MPP4: variants seen among roughly 807,000 people sequenced by gnomAD.
The protein encoded by MPP4 is MAGUK p55 subfamily member 4.
A neutral mutation model predicts 98.3 loss-of-function variants in MPP4; 91 were observed. The ratio of observed to expected loss-of-function variants is 0.93; its 90% CI spans 0.78 to 1.10. MPP4 has a LOEUF of 1.10. MPP4 is among the 50% of genes least tolerant of loss of function. The pLI, the probability that MPP4 is intolerant of heterozygous loss-of-function variation, is 0.00. For missense variants in MPP4, 744 were observed against 792.9 expected (o/e 0.94, Z 0.74); for synonymous variants, 261 against 271.8 (o/e 0.96, Z 0.39).
In MPP4 at chr2:201,698,173, G is replaced by T. The variant is rs80311108; in HGVS notation, c.-101+414C>A. 664 of 771,446 alleles carry T rather than the reference G, an allele frequency of 8.6e-4. 25 individuals are homozygous for T. The East Asian group carries it at 0.058, about 67-fold the overall frequency. The allele number at this position is 771,446 out of a possible 1,614,324, so 47.8% of individuals were successfully genotyped here. The stretch of plus-strand genomic sequence containing the variant: ...AGTATTTCCATTAGCTTTTTAAAAC[G>T]TACTATTAAATGCCACAACCCCCTA... On this transcript the variant is annotated intron_variant, in intron 1 of 21. Coordinates refer to ENST00000409474, the MANE Select transcript of MPP4 (RefSeq NM_033066.3).
At chr2:201,653,077 C>T (rs1687759503) in intron 18 of MPP4, among the ~76,000 whole-genome samples, 1 of 152,148 alleles carries the variant, frequency 6.6e-6, no homozygotes, top group African/African-American at 2.4e-5. Context: ...TGGCCTTTTT[C>T]TCCTCAGGCT....
rs143801198 is a variant in MPP4 at position 201,693,350 on chromosome 2, C to T, written c.80-321G>A. ...CATGAAAGGAAAATGATTGCTTTCC[C>T]CTCCCCCATCTTACCAGCCTGTCGT... On this transcript the variant is annotated intron_variant, in intron 2 of 21. Transcript: ENST00000409474. Among the ~76,000 whole-genome samples the T allele has an allele frequency of 2.5e-3, 380 of 152,150 alleles. 1 individual carries two copies. Among genetic ancestry groups the T allele is most frequent in the African/African-American group, 8.6e-3 (358 of 41,498 alleles).
At position 201,675,277 on chromosome 2, in the gene MPP4, G is replaced by A. The variant is rs202096827; in HGVS notation, c.930-6C>T. 15 of 1,605,592 alleles carry A rather than the reference G, an allele frequency of 9.3e-6. No individual in the cohort carries two copies. In the Admixed American group the frequency reaches 1.0e-4, roughly 11 times the overall value. On this transcript the variant is annotated splice_region_variant and splice_polypyrimidine_tract_variant and intron_variant, in intron 10 of 21. Coordinates refer to ENST00000409474, the MANE Select transcript of MPP4 (RefSeq NM_033066.3). ...ACCAGAATTCCCGTTGCTTCCTATGGGGGGGAAAAAACCATGCGACAAAAA... is the reference window on the plus strand; with the variant it reads ...ACCAGAATTCCCGTTGCTTCCTATGAGGGGGAAAAAACCATGCGACAAAAA...
chr2:201,647,258 G>C (rs1483666369), intron 21 of MPP4, among the ~76,000 whole-genome samples: 1 of 152,024 alleles, frequency 6.6e-6, no homozygotes, highest in African/African-American at 2.4e-5. Context: ...TTAAGTAAAA[G>C]ATATTCTGTT....
chr2:201,679,059 G>C (rs1308558838), intron 10 of MPP4, among the ~76,000 whole-genome samples: 1 of 151,946 alleles, frequency 6.6e-6, no homozygotes, highest in African/African-American at 2.4e-5. Context: ...TTAACTTCCA[G>C]CATCCCTTTC....
intron 17 of MPP4, 108 bp downstream of exon 17, chr2:201,656,090 G>C (rs1687838651): frequency 1.6e-6 from 2 of 1,215,480 alleles, no homozygotes; most frequent in Non-Finnish European, 2.2e-6. Context: ...TATTTGTATG[G>C]GGGTCCATAA....
intron 10 of MPP4, 59 bp downstream of exon 10, chr2:201,680,778 GA>G: frequency 6.7e-7 from 1 of 1,490,092 alleles, no homozygotes; most frequent in Non-Finnish European, 9.1e-7. Flanking sequence ...AGAAACCCAA[GA>G]AAAACATTTT....
chr2:201,679,769 T>A (rs1688617490), intron 10 of MPP4, among the ~76,000 whole-genome samples: 1 of 152,216 alleles, frequency 6.6e-6, no homozygotes, highest in Admixed American at 6.5e-5. Context: ...CACTCTCCCC[T>A]CTGGCTATTT....
chr2:201,663,997 GTTA>G (rs1286837778), intron 14 of MPP4, 81 bp downstream of exon 14: 16 of 1,018,790 alleles, frequency 1.6e-5, no homozygotes, highest in South Asian at 3.8e-5. Context: ...TATTTAAACA[GTTA>G]TTATAAATAT....
rs1254897494 is a variant in MPP4, at chr2:201,681,007, A to G, written c.760T>C (p.Trp254Arg). 15 of 1,613,752 alleles carry G rather than the reference A, an allele frequency of 9.3e-6. No homozygotes were observed. Among genetic ancestry groups the G allele is most frequent in the Non-Finnish European group, 1.3e-5 (15 of 1,179,814 alleles). Residue 254 changes from tryptophan to arginine, a missense_variant, in exon 10 of 22, where the codon TGG (tryptophan) becomes CGG (arginine). Coordinates refer to ENST00000409474, the MANE Select transcript of MPP4 (RefSeq NM_033066.3). ...GGGATGTCGGGATCCTCCTGGGGCC[A>G]GTACTCAGTCATGGCACGGACGTAC... ...MVYVRAMTEYWPQEDPDIPCM... is the reference protein window; with the variant it reads ...MVYVRAMTEYRPQEDPDIPCM...
rs1027097579 is a variant in MPP4, at chr2:201,685,835, T to C, written c.492+84A>G. On this transcript the variant is annotated intron_variant, in intron 6 of 21. Transcript: ENST00000409474. ...TATATGTGATCGCAGGCAAGGCTAC[T>C]GCCCAAGTAACCACTAGATATAATT... 6.6e-6 allele frequency: 10 copies of C among 1,526,114 alleles called. No individual in the cohort carries two copies. In the Admixed American group the frequency reaches 1.7e-4, roughly 27 times the overall value. 94.5% of individuals were successfully genotyped at this position (1,526,114 alleles called of 1,614,324 possible).
chr2:201,649,936 G>T, intron 19 of MPP4, 136 bp downstream of exon 19: 2 of 878,304 alleles, frequency 2.3e-6, no homozygotes, highest in Non-Finnish European at 3.4e-6. Flanking sequence ...GCTGTATATC[G>T]ATGTACATTT....
At position 201,649,591 on chromosome 2, in the gene MPP4, C is replaced by A. The variant is rs1574596401; in HGVS notation, c.1569G>T (p.Met523Ile). The change falls in exon 20 of 22, where the codon ATG becomes ATT. Residue 523 changes from methionine to isoleucine, a missense_variant. Met to Ile is a conservative substitution (Grantham distance 10). Transcript: ENST00000409474. The part of the protein sequence containing the change: ...TVLVEGKICV[M>I]DLEPQDIQGV... ...ATGGACCCACCTGAGGCTCTAGGTC[C>A]ATGACACAGATCTTTCCTTCGACAA... 6.2e-6 allele frequency: 10 copies of A among 1,604,554 alleles called. No individual in the cohort carries two copies. In the East Asian group the frequency reaches 2.2e-4, roughly 36 times the overall value.
intron 1 of MPP4, among the ~76,000 whole-genome samples, chr2:201,696,805 G>T (rs183063300): frequency 6.6e-6 from 1 of 152,100 alleles, no homozygotes; most frequent in Non-Finnish European, 1.5e-5. Context: ...ATTCTAAAAG[G>T]CTCGTTTTGA....
At chr2:201,687,937 C>T (rs1047421180) in intron 4 of MPP4, among the ~76,000 whole-genome samples, 1 of 152,180 alleles carries the variant, frequency 6.6e-6, no homozygotes. Flanking sequence ...GTGGTTTAGG[C>T]GTAGACCTGC....
chr2:201,679,630 T>C (rs556155721), intron 10 of MPP4, among the ~76,000 whole-genome samples: 28 of 152,202 alleles, frequency 1.8e-4, no homozygotes, highest in African/African-American at 6.7e-4. Flanking sequence ...CTAAAGCATA[T>C]CTCCTACCGC....
intron 18 of MPP4, chr2:201,651,771 T>G (rs568156015): frequency 1.5e-5 from 7 of 463,412 alleles, no homozygotes; most frequent in Non-Finnish European, 1.7e-5. Context: ...CTAGCCAACA[T>G]GGTGAAACCC....
chr2:201,647,335 AT>A (rs982210578), intron 21 of MPP4, among the ~76,000 whole-genome samples: 24 of 151,686 alleles, frequency 1.6e-4, no homozygotes, highest in South Asian at 4.2e-4. Context: ...CGGCTCAAGG[AT>A]TTTTTTTTAA....
At chr2:201,657,616 T>TTTTTTTTTTTTTTTTTTTA (rs1266134712) in intron 16 of MPP4, among the ~76,000 whole-genome samples, 1 of 148,640 alleles carries the variant, frequency 6.7e-6, no homozygotes, top group Non-Finnish European at 1.5e-5. Context: ...TTTGTTTTTT[T>TTTTTTTTTTTTTTTTTTTA]TTGCTTATTG....
Sources: allele counts gnomAD v4.1 joint callset (sites outside exome capture counted in the v4.1 genomes callset), GRCh38; gene constraint gnomAD v4.1.1; transcripts MANE v1.5; gene names NCBI Gene and HGNC (gene_info 2026-07-23, HGNC 2026-07-21).